DOCK9: variants seen among roughly 807,000 people sequenced by gnomAD.
The protein encoded by DOCK9 is dedicator of cytokinesis protein 9.
DOCK9 carries 89 observed loss-of-function variants against 263.3 expected under a neutral mutation model. The ratio of observed to expected loss-of-function variants is 0.34; its 90% CI spans 0.28 to 0.40. DOCK9 has a LOEUF of 0.40. DOCK9 is among the 10% of genes least tolerant of loss of function. The pLI, the probability that DOCK9 is intolerant of heterozygous loss-of-function variation, is 1.00. For missense variants in DOCK9, 2,140 were observed against 2,603.4 expected, an observed-to-expected ratio of 0.82 and a Z score of 3.87; for synonymous variants, 976 against 973.1, an observed-to-expected ratio of 1.00 and a Z score of -0.06.
rs553268388 is a variant in DOCK9, at chr13:98,878,782, G to A, written c.2943+1116C>T. On this transcript the variant is annotated intron_variant, in intron 27 of 52. Transcript: ENST00000682017. ...TGGCCAGGCCCAGTGTCTGCTTTACGGGAGGAAAAGGAGGGCTTTAGGCCT... is the reference window on the plus strand; with the variant it reads ...TGGCCAGGCCCAGTGTCTGCTTTACAGGAGGAAAAGGAGGGCTTTAGGCCT... Among the ~76,000 whole-genome samples, 112 of 152,288 alleles carry A rather than the reference G, an allele frequency of 7.4e-4. 1 individual carries two copies. In the South Asian group the frequency reaches 8.7e-3, roughly 12 times the overall value.
intron 1 of DOCK9, among the ~76,000 whole-genome samples, chr13:98,958,473 A>G (rs1219348053): frequency 1.3e-5 from 2 of 152,242 alleles, no homozygotes; most frequent in Non-Finnish European, 2.9e-5. Context: ...TTGTATTCTT[A>G]GAGCAGGAGT....
At chr13:99,015,254 T>C (rs914541040) in intron 1 of DOCK9, among the ~76,000 whole-genome samples, 2 of 152,244 alleles carry the variant, frequency 1.3e-5, no homozygotes, top group African/African-American at 2.4e-5. Flanking sequence ...TATTTAGCTT[T>C]GATGAATACA....
chr13:99,086,780 C>T (rs2042357519), upstream of DOCK9, among the ~76,000 whole-genome samples: 1 of 148,784 alleles, frequency 6.7e-6, no homozygotes, highest in South Asian at 2.1e-4. Flanking sequence ...CAGGTCGGCG[C>T]GGCCCGGCGC....
intron 26 of DOCK9, 66 bp from the exon 27 acceptor site, chr13:98,880,035 T>C: frequency 8.1e-7 from 1 of 1,231,620 alleles, no homozygotes; most frequent in South Asian, 1.4e-5. Context: ...ATGAACTCTC[T>C]CAGGCTGACA....
intron 1 of DOCK9, among the ~76,000 whole-genome samples, chr13:98,984,377 T>A (rs1029850089): frequency 1.3e-5 from 2 of 152,216 alleles, no homozygotes; most frequent in African/African-American, 4.8e-5. Flanking sequence ...AATGGATCAT[T>A]TGAAGCCTAA....
At chr13:98,874,697 A>T (rs998658262) in intron 27 of DOCK9, among the ~76,000 whole-genome samples, 10 of 152,240 alleles carry the variant, frequency 6.6e-5, no homozygotes, top group Non-Finnish European at 1.3e-4. Context: ...ATCAAAATTT[A>T]AAATGTCTGG....
rs2044558308 is a variant in DOCK9 at position 98,880,445 on chromosome 13, G to T, written c.2871+102C>A. 25 of 1,489,136 alleles carry T rather than the reference G, an allele frequency of 1.7e-5. No homozygotes were observed. The South Asian group carries it at 2.4e-4, about 14-fold the overall frequency. The allele number at this position is 1,489,136 out of a possible 1,614,324, so 92.2% of individuals were successfully genotyped here. ...ACACTACCCCTTTTTAGGGAGTGGT[G>T]TTTGTCTCTAAGAGCACTCAGAAAG... On this transcript the variant is annotated intron_variant, in intron 26 of 52. Coordinates refer to ENST00000682017, the MANE Select transcript of DOCK9 (RefSeq NM_001366683.2).
chr13:98,892,202 A>C (rs1437264343), intron 15 of DOCK9, among the ~76,000 whole-genome samples: 1 of 152,148 alleles, frequency 6.6e-6, no homozygotes, highest in Non-Finnish European at 1.5e-5. Flanking sequence ...AGTGAGGCTC[A>C]AACTCTCTCT....
chr13:98,838,531 G>A (rs534281429), intron 38 of DOCK9, among the ~76,000 whole-genome samples: 1 of 152,194 alleles, frequency 6.6e-6, no homozygotes, highest in Non-Finnish European at 1.5e-5. Context: ...AGGACTTGAA[G>A]AATCTGTCAT....
chr13:99,011,100 T>C (rs1022052653), intron 1 of DOCK9, among the ~76,000 whole-genome samples: 1 of 152,200 alleles, frequency 6.6e-6, no homozygotes. Flanking sequence ...TTTCACCGTG[T>C]TGGTCAAGCT....
At chr13:99,027,300 G>C (rs1476562849) in intron 1 of DOCK9, among the ~76,000 whole-genome samples, 1 of 152,168 alleles carries the variant, frequency 6.6e-6, no homozygotes, top group Non-Finnish European at 1.5e-5. Context: ...TTACAGGCAT[G>C]AGCCACCACA....
chr13:98,823,159 T>C (rs370986120), intron 45 of DOCK9, among the ~76,000 whole-genome samples: 1 of 151,994 alleles, frequency 6.6e-6, no homozygotes, highest in African/African-American at 2.4e-5. Flanking sequence ...AGTAGTAGTA[T>C]TTTCCATTTT....
At chr13:99,079,998 C>T (rs1380910081) in intron 1 of DOCK9, among the ~76,000 whole-genome samples, 1 of 152,138 alleles carries the variant, frequency 6.6e-6, no homozygotes, top group Non-Finnish European at 1.5e-5. Context: ...CAAGATTGCA[C>T]CACTGCACTC....
chr13:98,867,533 G>A lies in DOCK9; in HGVS notation c.3178C>T (p.Leu1060Phe), dbSNP rs933264008. The A allele has an allele frequency of 6.3e-7, 1 of 1,587,276 alleles. No homozygotes were observed. The highest frequency in any genetic ancestry group is 1.1e-5 in the South Asian group (1 of 89,068). The change falls in exon 30 of 53, where the codon CTC becomes TTC. Residue 1060 changes from leucine to phenylalanine, a missense_variant. Leu to Phe is a conservative substitution (Grantham distance 22). Around this residue, in one of 2 missense-constraint regions of DOCK9, gnomAD observed 1,521 missense variants for 1,741.7 expected, o/e 0.87. Coordinates refer to ENST00000682017, the MANE Select transcript of DOCK9 (RefSeq NM_001366683.2). ...SCFAPGDPKT[L>F]FEYKFEFLRV... ...AGAAATTCAAACTTGTATTCAAAGAGGGTCTGCAGGAAGAAGTGTGTAGTC... is the reference window on the plus strand; with the variant it reads ...AGAAATTCAAACTTGTATTCAAAGAAGGTCTGCAGGAAGAAGTGTGTAGTC...
At position 98,954,245 on chromosome 13, in the gene DOCK9, TA is replaced by T. The variant is rs373350142; in HGVS notation, c.243+1189del. Among the ~76,000 whole-genome samples the T allele has an allele frequency of 4.0e-3, 581 of 144,424 alleles. 10 individuals carry two copies. In the South Asian group the frequency reaches 0.049, roughly 12 times the overall value. 94.7% of individuals were successfully genotyped at this position (144,424 alleles called of 152,430 possible). On this transcript the variant is annotated intron_variant, in intron 2 of 52. Transcript: ENST00000682017. ...CAAACAACAAAGAATCAGTGAAGCT[TA>T]AAAAAAAAAAGGCAGCTCGATTCAC...
At position 98,836,518 on chromosome 13, in the gene DOCK9, G is replaced by T. The variant is rs368121722; in HGVS notation, c.4314+976C>A. Among the ~76,000 whole-genome samples, 217 of 152,282 alleles carry T rather than the reference G, an allele frequency of 1.4e-3. 7 individuals are homozygous for T. The South Asian group carries it at 0.042, about 29-fold the overall frequency. On this transcript the variant is annotated intron_variant, in intron 39 of 52. Coordinates refer to ENST00000682017, the MANE Select transcript of DOCK9 (RefSeq NM_001366683.2). ...CCATTTCTCACATGCTCCCAGGGCT[G>T]CAGTGGCTGCTGGCCCGGATACCAC...
At chr13:98,928,111 C>T (rs1411794151) in intron 3 of DOCK9, among the ~76,000 whole-genome samples, 2 of 151,910 alleles carry the variant, frequency 1.3e-5, no homozygotes, top group South Asian at 2.1e-4. Flanking sequence ...CAGGCATTGG[C>T]TAAATTCCAA....
At chr13:98,903,599 C>CAAAAAAAAAAAAAAAAAAA (rs72290114) in intron 10 of DOCK9, among the ~76,000 whole-genome samples, 1 of 78,540 alleles carries the variant, frequency 1.3e-5, no homozygotes, top group Non-Finnish European at 2.4e-5. Context: ...GACTCTGCCT[C>CAAAAAAAAAAAAAAAAAAA]AAAAAAAAAA....
chr13:98,993,732 C>T (rs577525109), intron 1 of DOCK9, among the ~76,000 whole-genome samples: 1 of 152,230 alleles, frequency 6.6e-6, no homozygotes, highest in East Asian at 1.9e-4. Flanking sequence ...CAGAGCGAGA[C>T]TCCGTCTCAA....
Sources: gnomAD v4.1 joint callset for allele counts (sites outside exome capture counted in the v4.1 genomes callset) on GRCh38, gnomAD v4.1.1 for gene constraint, gnomAD v4.1.1 regional missense constraint, MANE v1.5 for transcripts, NCBI Gene and HGNC (gene_info 2026-07-23, HGNC 2026-07-21) for gene names.